TOPBP1: variants seen among roughly 807,000 people sequenced by gnomAD.
The protein encoded by TOPBP1 is DNA topoisomerase II binding protein 1, also known as DNA topoisomerase 2-binding protein 1.
A neutral mutation model predicts 167.7 loss-of-function variants in TOPBP1; 28 were observed. That is an observed-to-expected ratio of 0.17 (90% CI 0.12 to 0.23). The LOEUF is 0.23. Among genes scored for constraint, TOPBP1 ranks in the 10% least tolerant of loss-of-function variants. The pLI is 1.00. For synonymous variants in TOPBP1, 598 were observed against 611.4 expected (o/e 0.98, Z 0.32); for missense variants, 1,554 against 1,809.6 (o/e 0.86, Z 2.56).
intron 14 of TOPBP1, 47 bp from the exon 15 acceptor site, chr3:133,628,780 G>C (rs1422910229): frequency 6.5e-7 from 1 of 1,537,482 alleles, no homozygotes; most frequent in Non-Finnish European, 8.8e-7. Flanking sequence ...AAGAGAGAGA[G>C]AGAGAAGCAA....
In TOPBP1 at chr3:133,601,179, C is replaced by G; in HGVS notation, c.*71G>C. ...CTCATCTTTAAATTACTACCCAAAT[C>G]TATCACAGTCACATTCAGGCTTTCA... On this transcript the variant is annotated 3_prime_UTR_variant, in exon 28 of 28. Transcript: ENST00000260810. The G allele has an allele frequency of 7.3e-7, 1 of 1,362,462 alleles. No homozygotes were observed. Among genetic ancestry groups the G allele is most frequent in the South Asian group, 1.4e-5 (1 of 73,158 alleles). The allele number at this position is 1,362,462 out of a possible 1,614,324, so 84.4% of individuals were successfully genotyped here.
chr3:133,650,827 A>G (rs1341230942), intron 8 of TOPBP1, among the ~76,000 whole-genome samples: 1 of 152,166 alleles, frequency 6.6e-6, no homozygotes, highest in Non-Finnish European at 1.5e-5. Context: ...AACACCTCTG[A>G]GCCAGGTGTG....
chr3:133,608,494 A>G (rs747380425), intron 27 of TOPBP1, 41 bp downstream of exon 27: 1 of 1,603,828 alleles, frequency 6.2e-7, no homozygotes, highest in African/African-American at 1.3e-5. Flanking sequence ...ACATAAACGT[A>G]TCTCTGGTAA....
rs1234824850 is a variant in TOPBP1, at chr3:133,600,704, A to C, written c.*546T>G. ...CACATTTTCCAAGTTTTGCGCATTC[A>C]AACTTGGCAAACATCATGGAGATTT... On this transcript the variant is annotated 3_prime_UTR_variant, in exon 28 of 28. Coordinates refer to ENST00000260810, the MANE Select transcript of TOPBP1 (RefSeq NM_007027.4). 6.5e-6 allele frequency: 1 copy of C among 152,754 alleles called. No individual in the cohort carries two copies. Among genetic ancestry groups the C allele is most frequent in the African/African-American group, 2.4e-5 (1 of 41,452 alleles). The allele number at this position is 152,754 out of a possible 1,614,324, so 9.5% of individuals were successfully genotyped here. A position where few individuals can be genotyped will look rare whatever the true frequency, so the allele number is the denominator to read the frequency against.
intron 2 of TOPBP1, among the ~76,000 whole-genome samples, chr3:133,660,494 A>G (rs2107841988): frequency 6.6e-6 from 1 of 152,322 alleles, no homozygotes; most frequent in South Asian, 2.1e-4. Flanking sequence ...TCTGCTACAA[A>G]TGCTTCTCAA....
chr3:133,606,647 T>TA (rs1248878059), intron 27 of TOPBP1, among the ~76,000 whole-genome samples: 4 of 152,068 alleles, frequency 2.6e-5, no homozygotes, highest in African/African-American at 9.7e-5. Flanking sequence ...ACAGCTACAG[T>TA]AATCAAGACA....
chr3:133,605,185 C>G (rs1293531110), intron 27 of TOPBP1, among the ~76,000 whole-genome samples: 1 of 150,530 alleles, frequency 6.6e-6, no homozygotes, highest in Admixed American at 6.6e-5. Flanking sequence ...GGCAACAGAG[C>G]CAGACCGTGT....
chr3:133,644,115 G>C lies in TOPBP1; in HGVS notation c.1753C>G (p.Leu585Val), dbSNP rs1166125067. The C allele has an allele frequency of 1.2e-6, 2 of 1,613,960 alleles. No homozygotes were observed. Among genetic ancestry groups the C allele is most frequent in the Non-Finnish European group, 1.7e-6 (2 of 1,179,874 alleles). Residue 585 changes from leucine (L) to valine (V), a missense_variant, in exon 11 of 28, where the codon CTT becomes GTT. Leu to Val is a conservative substitution (Grantham distance 32). Coordinates refer to ENST00000260810, the MANE Select transcript of TOPBP1 (RefSeq NM_007027.4). ...IKENAGKIMSLLSRTVADYAV... is the reference protein window; with the variant it reads ...IKENAGKIMSVLSRTVADYAV... ...TAATCCGCAACAGTTCTGCTCAGAA[G>C]GGACATGATTTTCCCAGCATTTTCT...
chr3:133,659,193 C>T, intron 2 of TOPBP1, 43 bp from the exon 3 acceptor site: 2 of 1,496,116 alleles, frequency 1.3e-6, no homozygotes. Context: ...AAATTACTCT[C>T]CTGTATTTAG....
chr3:133,649,746 G>C (rs1297446122), intron 9 of TOPBP1, 34 bp downstream of exon 9: 1 of 1,584,666 alleles, frequency 6.3e-7, no homozygotes, highest in Non-Finnish European at 8.5e-7. Flanking sequence ...AAATTATGTA[G>C]TAGAAATTGC....
chr3:133,638,093 G>A lies in TOPBP1; in HGVS notation c.2303C>T (p.Thr768Ile). ...GGTTTTTCTGTGAGTTTGCAGGCGT[G>A]TGCCAGGATGCTCTGCAGTATCTGA... Reference protein sequence around the residue: ...LNSDTAEHPGTRLQTHRKTVV... With the variant: ...LNSDTAEHPGIRLQTHRKTVV... The change falls in exon 14 of 28, where the codon ACA becomes ATA. Residue 768 changes from threonine to isoleucine, a missense_variant. By Grantham distance (89) the Thr-to-Ile change is moderately conservative (BLOSUM62 -1). This residue lies in a region of TOPBP1 where 1,197 missense variants were observed against 1,351.5 expected (regional missense o/e 0.89). Coordinates refer to ENST00000260810, the MANE Select transcript of TOPBP1 (RefSeq NM_007027.4). 1 of 1,614,004 alleles carries A rather than the reference G, an allele frequency of 6.2e-7. No homozygotes were observed.
In TOPBP1 at chr3:133,649,857, T is replaced by C; in HGVS notation, c.1176A>G (p.Leu392=). ...NSGGGVRFNQ[L]NEDVTHVIVG... is the part of the protein sequence containing the mutation. ...CAATAACATGAGTTACATCTTCATT[T>C]AGCTGGTTAAAACGAACTCCACCTC... Residue 392 remains leucine, a synonymous_variant, in exon 9 of 28, where the codon CTA becomes CTG. Transcript: ENST00000260810. 2 of 1,613,232 alleles carry C rather than the reference T, an allele frequency of 1.2e-6. No homozygotes were observed. The highest frequency in any genetic ancestry group is 1.7e-6 in the Non-Finnish European group (2 of 1,179,696).
intron 10 of TOPBP1, among the ~76,000 whole-genome samples, chr3:133,648,878 T>C (rs1457551465): frequency 1.3e-5 from 2 of 152,232 alleles, no homozygotes; most frequent in Admixed American, 6.5e-5. Context: ...TTTTAAGTTA[T>C]GATACACATT....
intron 12 of TOPBP1, among the ~76,000 whole-genome samples, chr3:133,642,729 C>CTTAT (rs1000175823): frequency 6.6e-6 from 1 of 152,132 alleles, no homozygotes; most frequent in Non-Finnish European, 1.5e-5. Context: ...CTTATCATTC[C>CTTAT]TTATTTATTT....
chr3:133,643,686 T>C (rs1935974806), intron 11 of TOPBP1, among the ~76,000 whole-genome samples: 1 of 151,496 alleles, frequency 6.6e-6, no homozygotes, highest in Non-Finnish European at 1.5e-5. Context: ...TCATAATTCT[T>C]GGAATGTTAA....
rs2107806695 is a variant in TOPBP1, at chr3:133,638,029, T to C, written c.2367A>G (p.Lys789=). 2 of 1,613,998 alleles carry C rather than the reference T, an allele frequency of 1.2e-6. No individual in the cohort carries two copies. Among genetic ancestry groups the C allele is most frequent in the Non-Finnish European group, 1.7e-6 (2 of 1,179,878 alleles). The change falls in exon 14 of 28, where the codon AAA becomes AAG. Residue 789 remains lysine (K), a synonymous_variant. Coordinates refer to ENST00000260810, the MANE Select transcript of TOPBP1 (RefSeq NM_007027.4). ...TPLDMNRFQS[K]AFRAVVSQHA... is the part of the protein sequence containing the mutation. ...GTTGTGAGACCACAGCACGGAAAGC[T>C]TTACTCTGAAAGCGGTTCATATCTA...
chr3:133,615,046 C>A (rs1271470908), intron 23 of TOPBP1, among the ~76,000 whole-genome samples: 2 of 149,196 alleles, frequency 1.3e-5, no homozygotes, highest in African/African-American at 2.5e-5. Context: ...AAAGTTTTTC[C>A]AAGTATACAA....
In TOPBP1 at chr3:133,643,442, A is replaced by C; in HGVS notation, c.1849-70T>G. ...ACCAGTGGTTAACACTGGTTCAGGTACAGAAGCAATAATTTAGTTTTGATA... is the reference window on the plus strand; with the variant it reads ...ACCAGTGGTTAACACTGGTTCAGGTCCAGAAGCAATAATTTAGTTTTGATA... On this transcript the variant is annotated intron_variant, in intron 11 of 27. Transcript: ENST00000260810. The C allele has an allele frequency of 6.8e-6, 9 of 1,332,620 alleles. 1 individual carries two copies. The South Asian group carries it at 1.5e-4, about 22-fold the overall frequency. 82.5% of individuals were successfully genotyped at this position (1,332,620 alleles called of 1,614,324 possible). A position where few individuals can be genotyped will look rare whatever the true frequency, so the allele number is the denominator to read the frequency against.
chr3:133,604,061 C>T lies in TOPBP1; in HGVS notation c.4426-2668G>A, dbSNP rs1576674049. Among the ~76,000 whole-genome samples, 7 of 151,934 alleles carry T rather than the reference C, an allele frequency of 4.6e-5. No homozygotes were observed. In the South Asian group the frequency reaches 1.2e-3, roughly 27 times the overall value. ...AATCCTCTTATATTTAGGAACTAAACAACAGACTCCTAAATAAGCCAGTTA... is the reference window on the plus strand; with the variant it reads ...AATCCTCTTATATTTAGGAACTAAATAACAGACTCCTAAATAAGCCAGTTA... On this transcript the variant is annotated intron_variant, in intron 27 of 27. Transcript: ENST00000260810.
Sources: gnomAD v4.1 joint callset for allele counts (sites outside exome capture counted in the v4.1 genomes callset) on GRCh38, gnomAD v4.1.1 for gene constraint, gnomAD v4.1.1 regional missense constraint, MANE v1.5 for transcripts, NCBI Gene and HGNC (gene_info 2026-07-23, HGNC 2026-07-21) for gene names.